BFSP1: variants seen among roughly 807,000 people sequenced by gnomAD.
BFSP1 encodes filensin.
In BFSP1, 38 loss-of-function variants were observed where a neutral mutation model predicts 43.9. The ratio of observed to expected loss-of-function variants is 0.87; its 90% confidence interval spans 0.67 to 1.14. The LOEUF (loss-of-function observed/expected upper bound fraction) is 1.14. Among genes scored for constraint, BFSP1 ranks in the 50% most tolerant of loss-of-function variants. The pLI, the probability that BFSP1 is intolerant of heterozygous loss-of-function variation, is 0.00. For missense variants in BFSP1, 850 were observed against 875.1 expected (o/e 0.97, Z 0.36); for synonymous variants, 352 against 354.8 (o/e 0.99, Z 0.09).
At chr20:17,549,534 T>A (rs992041980) in intron 1 of BFSP1, among the ~76,000 whole-genome samples, 2 of 152,128 alleles carry the variant, frequency 1.3e-5, no homozygotes, top group African/African-American at 4.8e-5. Flanking sequence ...ACCAAAGGGA[T>A]GGTGCCAAAC....
chr20:17,495,302 C>T (rs527975887), intron 7 of BFSP1, among the ~76,000 whole-genome samples: 1 of 152,304 alleles, frequency 6.6e-6, no homozygotes, highest in South Asian at 2.1e-4. Context: ...ACCCACAGTT[C>T]ACCACCACAC....
At chr20:17,546,036 TC>T (rs1334340670) in intron 1 of BFSP1, among the ~76,000 whole-genome samples, 1 of 152,214 alleles carries the variant, frequency 6.6e-6, no homozygotes, top group African/African-American at 2.4e-5. Context: ...CTGTGCGAGA[TC>T]CAAGAATCTC....
chr20:17,553,478 C>G (rs371903378), intron 1 of BFSP1, among the ~76,000 whole-genome samples: 15 of 151,984 alleles, frequency 9.9e-5, no homozygotes, highest in Non-Finnish European at 1.9e-4. Context: ...AAGTGACATT[C>G]GAAAAATTCA....
chr20:17,546,792 G>A (rs376025146), intron 1 of BFSP1, among the ~76,000 whole-genome samples: 24 of 152,214 alleles, frequency 1.6e-4, no homozygotes, highest in African/African-American at 5.8e-4. Context: ...TTGGGAGGCC[G>A]AGGTAGGTGG....
At chr20:17,549,136 T>G (rs2034855010) in intron 1 of BFSP1, among the ~76,000 whole-genome samples, 1 of 152,314 alleles carries the variant, frequency 6.6e-6, no homozygotes, top group South Asian at 2.1e-4. Flanking sequence ...CAGCACTTGA[T>G]CTTGGCTGCA....
At chr20:17,530,270 A>G (rs2034506107) in intron 1 of BFSP1, among the ~76,000 whole-genome samples, 1 of 152,260 alleles carries the variant, frequency 6.6e-6, no homozygotes, top group African/African-American at 2.4e-5. Context: ...TAGACTTAGC[A>G]TGCCCAGGAC....
intron 2 of BFSP1, among the ~76,000 whole-genome samples, chr20:17,522,773 C>T: frequency 6.6e-6 from 1 of 152,204 alleles, no homozygotes; most frequent in Non-Finnish European, 1.5e-5. Context: ...TTAGTTCTCA[C>T]TAGGCACTTT....
chr20:17,520,210 G>GCCCCCCCCCCCCCCCCCCCC (rs138070825), intron 2 of BFSP1, among the ~76,000 whole-genome samples: 13 of 133,338 alleles, frequency 9.7e-5, no homozygotes, highest in African/African-American at 2.1e-4. Flanking sequence ...GTTTTAACGT[G>GCCCCCCCCCCCCCCCCCCCC]CCCCCCCACC....
intron 1 of BFSP1, among the ~76,000 whole-genome samples, chr20:17,542,535 G>T (rs2034735905): frequency 1.3e-5 from 2 of 152,086 alleles, no homozygotes; most frequent in Admixed American, 1.3e-4. Context: ...AGAGGTCAGG[G>T]CTGCAGTAAG....
chr20:17,553,862 C>T (rs6034847), intron 1 of BFSP1, among the ~76,000 whole-genome samples: 5 of 92,752 alleles, frequency 5.4e-5, no homozygotes, highest in African/African-American at 1.4e-4. Context: ...TATATATACA[C>T]ATATATATAC....
chr20:17,497,459 T>TACACACACAC (rs34512937), intron 6 of BFSP1, among the ~76,000 whole-genome samples: 7,956 of 144,884 alleles, frequency 0.055, 738 homozygotes, highest in African/African-American at 0.18. Flanking sequence ...TATATATATA[T>TACACACACAC]ACACACACAC....
intron 4 of BFSP1, among the ~76,000 whole-genome samples, chr20:17,510,446 T>C (rs773155441): frequency 1.3e-5 from 2 of 152,198 alleles, no homozygotes; most frequent in African/African-American, 4.8e-5. Context: ...CAGGAAAAGT[T>C]TTTTTAGGCC....
Position 17,526,566 on chromosome 20 carries a change from T to A in BFSP1, c.378-1658A>T, listed in dbSNP as rs145918867. Among the ~76,000 whole-genome samples the A allele has an allele frequency of 1.1e-3, 160 of 152,362 alleles. 1 individual carries two copies. Among genetic ancestry groups the A allele is most frequent in the African/African-American group, 3.7e-3 (152 of 41,584 alleles). Reference sequence around the variant, plus strand: ...ACCACATTTTGTTTACGTATTCCTTTGTCAGTGGACACTTGGGTTGCTTCT... The same window carrying A: ...ACCACATTTTGTTTACGTATTCCTTAGTCAGTGGACACTTGGGTTGCTTCT... On this transcript the variant is annotated intron_variant, in intron 1 of 7. Transcript: ENST00000377873.
chr20:17,564,542 ACC>A (rs891671791), intron 1 of BFSP1, among the ~76,000 whole-genome samples: 2 of 151,986 alleles, frequency 1.3e-5, no homozygotes, highest in African/African-American at 4.8e-5. Context: ...ACTAAACACA[ACC>A]CTTACTAAAC....
At chr20:17,558,596 T>C in intron 1 of BFSP1, 1 of 1,384,086 alleles carries the variant, frequency 7.2e-7, no homozygotes. Flanking sequence ...TGCTGTACCT[T>C]CTACGGGAGT....
chr20:17,504,516 G>A (rs1053876608), intron 5 of BFSP1, among the ~76,000 whole-genome samples: 2 of 152,098 alleles, frequency 1.3e-5, no homozygotes, highest in Admixed American at 6.5e-5. Context: ...GGGGAGGCAC[G>A]CCCAGGGCAT....
intron 2 of BFSP1, among the ~76,000 whole-genome samples, chr20:17,520,212 C>G (rs376161886): frequency 8.1e-5 from 11 of 136,608 alleles, no homozygotes; most frequent in African/African-American, 2.9e-4. Context: ...TTTAACGTGC[C>G]CCCCCACCCC....
At chr20:17,535,974 G>T (rs2034623461), upstream of BFSP1, among the ~76,000 whole-genome samples, 1 of 151,872 alleles carries the variant, frequency 6.6e-6, no homozygotes, top group African/African-American at 2.4e-5. Context: ...ACAGGGTCTT[G>T]CTATGTTACC....
chr20:17,531,573 T>A (rs1010064155), upstream of BFSP1, among the ~76,000 whole-genome samples: 1 of 152,104 alleles, frequency 6.6e-6, no homozygotes, highest in Non-Finnish European at 1.5e-5. Flanking sequence ...CGCTGGGCAA[T>A]GAGGTTTTTG....
Sources: allele counts gnomAD v4.1 joint callset (sites outside exome capture counted in the v4.1 genomes callset), GRCh38; gene constraint gnomAD v4.1.1; transcripts MANE v1.5; gene names NCBI Gene and HGNC (gene_info 2026-07-23, HGNC 2026-07-21).